SCMH1: variants seen among roughly 807,000 people sequenced by gnomAD.
SCMH1 encodes Scm polycomb group protein homolog 1.
Under a neutral mutation model 70.8 loss-of-function variants are expected in SCMH1, and 37 were observed. The ratio of observed to expected loss-of-function variants is 0.52; its 90% CI spans 0.40 to 0.69. SCMH1 has a LOEUF of 0.69. Ranked by LOEUF, SCMH1 falls within the 30% of genes least tolerant of loss-of-function variation. The pLI, the probability that SCMH1 is intolerant of heterozygous loss-of-function variation, is 0.00. For synonymous variants in SCMH1, 292 were observed against 307.4 expected (o/e 0.95, Z 0.52); for missense variants, 607 against 827.3 (o/e 0.73, Z 3.27).
chr1:41,083,206 G>A (rs923633871), intron 8 of SCMH1, among the ~76,000 whole-genome samples: 1 of 152,206 alleles, frequency 6.6e-6, no homozygotes, highest in Non-Finnish European at 1.5e-5. Flanking sequence ...CAGAGGACAT[G>A]ATTGTATATC....
intron 6 of SCMH1, among the ~76,000 whole-genome samples, chr1:41,130,292 G>T (rs1196768397): frequency 2.0e-5 from 3 of 152,042 alleles, no homozygotes; most frequent in Non-Finnish European, 4.4e-5. Context: ...CCCCTTATCA[G>T]ATATATGTTT....
chr1:41,095,478 T>TA (rs1664823295), intron 8 of SCMH1, among the ~76,000 whole-genome samples: 1 of 152,182 alleles, frequency 6.6e-6, no homozygotes, highest in Non-Finnish European at 1.5e-5. Flanking sequence ...GGAAAAAAAT[T>TA]AGACATATTT....
chr1:41,086,930 T>C (rs1661874071), intron 8 of SCMH1, among the ~76,000 whole-genome samples: 1 of 119,210 alleles, frequency 8.4e-6, no homozygotes, highest in Non-Finnish European at 1.8e-5. Flanking sequence ...GCAGAAACCA[T>C]AACAATAACT....
intron 8 of SCMH1, among the ~76,000 whole-genome samples, chr1:41,087,257 A>G (rs1002431110): frequency 3.9e-5 from 6 of 152,182 alleles, no homozygotes; most frequent in Admixed American, 3.3e-4. Context: ...AATAAAAAAG[A>G]AAAACAATAT....
intron 1 of SCMH1, among the ~76,000 whole-genome samples, chr1:41,193,596 G>A (rs376825967): frequency 6.6e-6 from 1 of 152,110 alleles, no homozygotes; most frequent in South Asian, 2.1e-4. Flanking sequence ...AGACAAATAG[G>A]CATTTCAGGC....
chr1:41,130,726 T>C (rs1674471915), intron 6 of SCMH1, among the ~76,000 whole-genome samples: 1 of 152,196 alleles, frequency 6.6e-6, no homozygotes, highest in Non-Finnish European at 1.5e-5. Flanking sequence ...AACATCACTT[T>C]ATCTAATTTT....
intron 1 of SCMH1, among the ~76,000 whole-genome samples, chr1:41,234,118 G>A (rs994575940): frequency 6.6e-6 from 1 of 151,964 alleles, no homozygotes; most frequent in African/African-American, 2.4e-5. Context: ...CCTCTATCTG[G>A]TGAATTCCTT....
At chr1:41,231,642 T>C (rs1315300800) in intron 1 of SCMH1, among the ~76,000 whole-genome samples, 1 of 152,222 alleles carries the variant, frequency 6.6e-6, no homozygotes, top group Non-Finnish European at 1.5e-5. Flanking sequence ...ACATTATATT[T>C]AGTCATTATG....
chr1:41,227,891 T>C (rs1156661768), intron 1 of SCMH1, among the ~76,000 whole-genome samples: 2 of 151,938 alleles, frequency 1.3e-5, no homozygotes, highest in Non-Finnish European at 2.9e-5. Flanking sequence ...GGGAGGAGAA[T>C]CATGTGAACC....
intron 1 of SCMH1, among the ~76,000 whole-genome samples, chr1:41,234,434 C>CAACG (rs1661909483): frequency 7.1e-6 from 1 of 139,888 alleles, no homozygotes; most frequent in South Asian, 2.4e-4. Flanking sequence ...CCAGGCTGGG[C>CAACG]AACGGAGCAA....
chr1:41,048,432 C>T (rs367610813), intron 11 of SCMH1, among the ~76,000 whole-genome samples: 5 of 152,116 alleles, frequency 3.3e-5, no homozygotes, highest in East Asian at 1.9e-4. Context: ...ACTTTCTGTA[C>T]GGACAGGTCA....
intron 4 of SCMH1, among the ~76,000 whole-genome samples, chr1:41,157,903 A>T (rs982219890): frequency 3.3e-5 from 5 of 152,232 alleles, no homozygotes; most frequent in African/African-American, 1.2e-4. Flanking sequence ...ATTCATTTTT[A>T]AAATCTTTAC....
At chr1:41,038,350 T>C (rs1645607133) in intron 12 of SCMH1, among the ~76,000 whole-genome samples, 1 of 152,216 alleles carries the variant, frequency 6.6e-6, no homozygotes, top group Admixed American at 6.5e-5. Context: ...ATGACTGGGT[T>C]CTACCCAAAC....
intron 1 of SCMH1, among the ~76,000 whole-genome samples, chr1:41,187,866 A>C (rs1323700757): frequency 1.3e-5 from 2 of 151,788 alleles, no homozygotes; most frequent in Non-Finnish European, 2.9e-5. Flanking sequence ...GTGCACCTAT[A>C]GTTCCAGCTA....
rs761690817 is a variant in SCMH1 at position 41,113,084 on chromosome 1, T to C, written c.745+199A>G. ...TTATTACTTTATCCCAAATGCCATA[T>C]GCGGTTTCATTTGACACTTAATACT... On this transcript the variant is annotated intron_variant, in intron 8 of 14. Transcript: ENST00000337495. This position sits in a 1 kb window ranked among gnomAD's most constrained non-coding sequence, Gnocchi z 4.3. 3.3e-5 allele frequency among the ~76,000 whole-genome samples: 5 copies of C among 152,208 alleles called. No homozygotes were observed. Among genetic ancestry groups the C allele is most frequent in the Non-Finnish European group, 5.9e-5 (4 of 68,036 alleles).
At chr1:41,073,745 C>T (rs144113808) in intron 9 of SCMH1, among the ~76,000 whole-genome samples, 94 of 151,402 alleles carry the variant, frequency 6.2e-4, no homozygotes, top group African/African-American at 2.2e-3. Context: ...TAAGGTACCA[C>T]AGGAGAAAAA....
chr1:41,174,969 A>G (rs188336980), intron 2 of SCMH1, among the ~76,000 whole-genome samples: 4 of 152,328 alleles, frequency 2.6e-5, no homozygotes, highest in Non-Finnish European at 5.9e-5. Context: ...TGACCTTGTT[A>G]CTGTCTTCAT....
Position 41,028,843 on chromosome 1 carries a change from T to C in SCMH1, c.1679-117A>G, listed in dbSNP as rs577634761. 8.9e-6 allele frequency: 10 copies of C among 1,120,424 alleles called. No individual in the cohort carries two copies. The East Asian group carries it at 2.0e-4, about 22-fold the overall frequency. The allele number at this position is 1,120,424 out of a possible 1,614,324, so 69.4% of individuals were successfully genotyped here. A position where few individuals can be genotyped will look rare whatever the true frequency, so the allele number is the denominator to read the frequency against. The stretch of plus-strand genomic sequence containing the variant: ...TGATGCTCACAGTAGTGCCAGACGA[T>C]GAGCTGAGGAACTGGAGATAGCTGG... On this transcript the variant is annotated intron_variant, in intron 13 of 14. Coordinates refer to ENST00000337495, the Ensembl canonical transcript of SCMH1.
chr1:41,205,117 A>C (rs1226483959), intron 1 of SCMH1, among the ~76,000 whole-genome samples: 1 of 152,226 alleles, frequency 6.6e-6, no homozygotes, highest in African/African-American at 2.4e-5. Flanking sequence ...TGCAGCTCCC[A>C]GCATGATCGA....
Sources: allele counts gnomAD v4.1 joint callset (sites outside exome capture counted in the v4.1 genomes callset), GRCh38; gene constraint gnomAD v4.1.1; non-coding constraint Gnocchi (gnomAD v3.1); transcripts MANE v1.5; gene names NCBI Gene and HGNC (gene_info 2026-07-23, HGNC 2026-07-21).